PPARGC1A: variants seen among roughly 807,000 people sequenced by gnomAD.
PPARGC1A encodes peroxisome proliferator-activated receptor gamma coactivator 1-alpha.
A neutral mutation model predicts 88.7 loss-of-function variants in PPARGC1A; 25 were observed. The observed-to-expected ratio is 0.28, with a 90% CI of 0.21 to 0.39. PPARGC1A has a LOEUF of 0.39. Ranked by LOEUF, PPARGC1A falls within the 10% of genes least tolerant of loss-of-function variation. The probability of loss-of-function intolerance (pLI) is 1.00; values close to 1 mark genes in which losing one functional copy is unlikely to be tolerated. For missense variants in PPARGC1A, 880 were observed against 968.7 expected, an observed-to-expected ratio of 0.91 and a Z score of 1.22; for synonymous variants, 363 against 355.6, an observed-to-expected ratio of 1.02 and a Z score of -0.24.
the PPARGC1A span, among the ~76,000 whole-genome samples, chr4:24,051,463 T>C: frequency 3.9e-5 from 6 of 152,200 alleles, no homozygotes; most frequent in East Asian, 1.2e-3. Context: ...TTATCTTCAT[T>C]CTCTATCTTA....
chr4:24,346,823 G>A, the PPARGC1A span, among the ~76,000 whole-genome samples: 1 of 151,932 alleles, frequency 6.6e-6, no homozygotes, highest in Non-Finnish European at 1.5e-5. Flanking sequence ...TTTGGGTTTG[G>A]TTTGTTCTTG....
intron 10 of PPARGC1A, among the ~76,000 whole-genome samples, chr4:23,812,191 C>T (rs1450908077): frequency 1.3e-5 from 2 of 151,906 alleles, no homozygotes; most frequent in Admixed American, 1.3e-4. Context: ...GATCCACATG[C>T]CTTGGCCTCC....
the PPARGC1A span, among the ~76,000 whole-genome samples, chr4:24,403,556 C>T: frequency 6.6e-6 from 1 of 152,178 alleles, no homozygotes; most frequent in South Asian, 2.1e-4. Context: ...ATTGTCACCT[C>T]ATCTCTGATT....
At chr4:24,253,525 G>A in the PPARGC1A span, among the ~76,000 whole-genome samples, 2 of 152,162 alleles carry the variant, frequency 1.3e-5, no homozygotes, top group Admixed American at 6.5e-5. Context: ...CTTTTCCGTA[G>A]CTTTGAAATT....
the PPARGC1A span, among the ~76,000 whole-genome samples, chr4:24,214,814 A>G: frequency 6.6e-6 from 1 of 152,176 alleles, no homozygotes; most frequent in African/African-American, 2.4e-5. Context: ...GAAGGTACAG[A>G]TATGTAAGTA....
At chr4:24,464,446 G>GTGA in the PPARGC1A span, among the ~76,000 whole-genome samples, 1 of 152,188 alleles carries the variant, frequency 6.6e-6, no homozygotes, top group African/African-American at 2.4e-5. Context: ...ATCACTCATT[G>GTGA]TTAACATTAG....
chr4:23,822,302 G>A (rs944655433), intron 7 of PPARGC1A, among the ~76,000 whole-genome samples: 4 of 151,896 alleles, frequency 2.6e-5, no homozygotes, highest in Admixed American at 6.6e-5. Flanking sequence ...CCACCCCTAC[G>A]CTTCAAAATC....
intron 1 of PPARGC1A, 68 bp downstream of exon 1, chr4:23,889,836 T>C: frequency 6.3e-7 from 1 of 1,577,828 alleles, no homozygotes; most frequent in Non-Finnish European, 8.6e-7. Flanking sequence ...CATCCCCCCT[T>C]ACAGGAATAA....
the PPARGC1A span, among the ~76,000 whole-genome samples, chr4:24,363,428 T>C: frequency 6.6e-6 from 1 of 152,248 alleles, no homozygotes; most frequent in Non-Finnish European, 1.5e-5. Context: ...TGAGTCCATG[T>C]GATTAATGTT....
At chr4:23,994,734 G>A in the PPARGC1A span, among the ~76,000 whole-genome samples, 6 of 151,984 alleles carry the variant, frequency 3.9e-5, no homozygotes, top group African/African-American at 1.2e-4. Context: ...AAAGAAAGAA[G>A]GCTGTAGGGC....
At chr4:24,214,506 T>C in the PPARGC1A span, among the ~76,000 whole-genome samples, 5 of 152,146 alleles carry the variant, frequency 3.3e-5, no homozygotes, top group Admixed American at 3.3e-4. Context: ...GAGGAAGACA[T>C]AAAAACCTAA....
At chr4:23,799,372 T>C (rs1718233771) in intron 12 of PPARGC1A, among the ~76,000 whole-genome samples, 1 of 152,236 alleles carries the variant, frequency 6.6e-6, no homozygotes, top group Non-Finnish European at 1.5e-5. Context: ...AGACACGTGC[T>C]AATAGCATCA....
the PPARGC1A span, among the ~76,000 whole-genome samples, chr4:24,029,766 A>T: frequency 2.0e-5 from 3 of 152,188 alleles, no homozygotes; most frequent in African/African-American, 7.2e-5. Context: ...ACTCCAAAAC[A>T]TCGGTAAAAC....
the PPARGC1A span, among the ~76,000 whole-genome samples, chr4:24,221,437 G>A: frequency 1.3e-5 from 2 of 152,206 alleles, no homozygotes; most frequent in Admixed American, 6.5e-5. Context: ...AGAGATGGCA[G>A]AACCTGGTTT....
At chr4:23,995,933 A>C in the PPARGC1A span, among the ~76,000 whole-genome samples, 1 of 152,202 alleles carries the variant, frequency 6.6e-6, no homozygotes, top group African/African-American at 2.4e-5. Context: ...AGAAAAAGTA[A>C]ATTCTCACCA....
At chr4:23,804,438 TAACA>T (rs1002244617) in intron 10 of PPARGC1A, among the ~76,000 whole-genome samples, 6 of 152,216 alleles carry the variant, frequency 3.9e-5, no homozygotes, top group African/African-American at 1.4e-4. Context: ...TGGACTAGTA[TAACA>T]AACAATCTCC....
chr4:24,004,161 A>G, the PPARGC1A span, among the ~76,000 whole-genome samples: 2 of 152,300 alleles, frequency 1.3e-5, no homozygotes, highest in South Asian at 4.1e-4. Context: ...GTGTTGCTAT[A>G]GCAGATTAAG....
chr4:24,468,629 A>T, the PPARGC1A span, among the ~76,000 whole-genome samples: 2 of 152,152 alleles, frequency 1.3e-5, no homozygotes, highest in Non-Finnish European at 2.9e-5. Flanking sequence ...ATAAAATGTC[A>T]CAGAACAAGT....
chr4:24,229,175 A>G, the PPARGC1A span, among the ~76,000 whole-genome samples: 1 of 23,208 alleles, frequency 4.3e-5, no homozygotes, highest in Non-Finnish European at 1.0e-4. Flanking sequence ...TTTTTTTGAG[A>G]TGGAGTCTTG....
Sources: gnomAD v4.1 joint callset for allele counts (sites outside exome capture counted in the v4.1 genomes callset) on GRCh38, gnomAD v4.1.1 for gene constraint, MANE v1.5 for transcripts, NCBI Gene and HGNC (gene_info 2026-07-23, HGNC 2026-07-21) for gene names.